SMG1: variants seen among roughly 807,000 people sequenced by gnomAD.
SMG1 encodes the protein serine/threonine-protein kinase SMG1.
In SMG1, 22 loss-of-function variants were observed where a neutral mutation model predicts 419.9. That is an observed-to-expected ratio of 0.05 (90% CI 0.04 to 0.07). SMG1 has a LOEUF of 0.07. SMG1 is among the 10% of genes least tolerant of loss of function. The pLI, the probability that SMG1 is intolerant of heterozygous loss-of-function variation, is 1.00. For missense variants in SMG1, 3,185 were observed against 4,342.0 expected (o/e 0.73, Z 7.49); for synonymous variants, 1,538 against 1,553.5 (o/e 0.99, Z 0.23).
rs150871994 is a variant in SMG1, at chr16:18,814,982, A to G, written c.10621+193T>C. Reference sequence around the variant, plus strand: ...AATCCTCCCACCTTGGCCTTCAAGTAGCTGAGATTACAGGTGTGAGCCATC... The same window carrying G: ...AATCCTCCCACCTTGGCCTTCAAGTGGCTGAGATTACAGGTGTGAGCCATC... On this transcript the variant is annotated intron_variant, in intron 60 of 62. Transcript: ENST00000446231. Among the ~76,000 whole-genome samples, 217 of 151,122 alleles carry G rather than the reference A, an allele frequency of 1.4e-3. 3 individuals carry two copies. The highest frequency in any genetic ancestry group is 0.014 in the Middle Eastern group (4 of 292).
intron 18 of SMG1, among the ~76,000 whole-genome samples, chr16:18,870,200 A>G (rs1176057339): frequency 6.6e-6 from 1 of 152,168 alleles, no homozygotes; most frequent in Admixed American, 6.5e-5. Flanking sequence ...TCATAAGAGG[A>G]TTTGAGGGAG....
Position 18,854,863 on chromosome 16 carries a change from G to A in SMG1, c.4276C>T (p.Leu1426=). The A allele has an allele frequency of 3.1e-6, 5 of 1,613,974 alleles. No homozygotes were observed. Among genetic ancestry groups the A allele is most frequent in the Non-Finnish European group, 2.5e-6 (3 of 1,179,868 alleles). Residue 1426 remains leucine (L), a synonymous_variant, in exon 30 of 63, where the codon CTA becomes TTA. Transcript: ENST00000446231. ...PIRSHLMELG[L]TAAKFARKRG... ...TTTCTAGCAAATTTTGCTGCTGTTAGACCTAATTCCATGAGATGGCTTCTA... is the reference window on the plus strand; with the variant it reads ...TTTCTAGCAAATTTTGCTGCTGTTAAACCTAATTCCATGAGATGGCTTCTA...
intron 52 of SMG1, 36 bp from the exon 53 acceptor site, chr16:18,830,151 A>G: frequency 6.2e-7 from 1 of 1,603,786 alleles, no homozygotes; most frequent in Non-Finnish European, 8.5e-7. Context: ...TCATTTCTCC[A>G]CTCTTGACAC....
At chr16:18,888,817 T>C (rs2036751930) in intron 6 of SMG1, among the ~76,000 whole-genome samples, 1 of 125,252 alleles carries the variant, frequency 8.0e-6, no homozygotes, top group Non-Finnish European at 1.6e-5. Flanking sequence ...CTTCAACATG[T>C]ATCTTTTTTT....
intron 15 of SMG1, among the ~76,000 whole-genome samples, chr16:18,871,839 T>G (rs1186237963): frequency 2.0e-5 from 3 of 151,480 alleles, no homozygotes; most frequent in African/African-American, 7.3e-5. Context: ...CTTGGGAGGC[T>G]GAGGCAGGAG....
intron 55 of SMG1, among the ~76,000 whole-genome samples, chr16:18,827,574 C>A: frequency 7.5e-6 from 1 of 133,106 alleles, no homozygotes; most frequent in African/African-American, 2.8e-5. Context: ...TATAAATATA[C>A]CAAAATATAT....
At chr16:18,905,615 A>ATTT (rs35576204) in intron 1 of SMG1, among the ~76,000 whole-genome samples, 1 of 135,246 alleles carries the variant, frequency 7.4e-6, no homozygotes, top group Non-Finnish European at 1.6e-5. Flanking sequence ...TCTTCATTTC[A>ATTT]TTTTTTTTTT....
chr16:18,917,376 C>T (rs1357707994), intron 1 of SMG1, among the ~76,000 whole-genome samples: 1 of 151,844 alleles, frequency 6.6e-6, no homozygotes, highest in Non-Finnish European at 1.5e-5. Flanking sequence ...TGGTCTCTCC[C>T]GACCTCAGAT....
chr16:18,914,851 C>A (rs1463611626), intron 1 of SMG1, among the ~76,000 whole-genome samples: 1 of 151,852 alleles, frequency 6.6e-6, no homozygotes, highest in Non-Finnish European at 1.5e-5. Flanking sequence ...ATACAATAGA[C>A]CCAAGATAAG....
chr16:18,892,912 C>T (rs976348399), intron 3 of SMG1, among the ~76,000 whole-genome samples: 1 of 152,128 alleles, frequency 6.6e-6, no homozygotes, highest in African/African-American at 2.4e-5. Flanking sequence ...CTAGGCCAAC[C>T]GAACACCTCA....
In SMG1 at chr16:18,810,297, C is replaced by CA. The variant is rs199889589; in HGVS notation, c.10909-652dup. Reference sequence around the variant, plus strand: ...AACATCACTGATGTTGCATTCCTTCCAAAAAAAATCTTGAATGAATTGAAT... The same window carrying CA: ...AACATCACTGATGTTGCATTCCTTCCAAAAAAAAATCTTGAATGAATTGAAT... On this transcript the variant is annotated intron_variant, in intron 62 of 62. Transcript: ENST00000446231. Among the ~76,000 whole-genome samples, 330 of 151,834 alleles carry CA rather than the reference C, an allele frequency of 2.2e-3. 11 individuals carry two copies. The East Asian group carries it at 0.055, about 25-fold the overall frequency.
chr16:18,812,326 A>T, intron 60 of SMG1, 199 bp from the exon 61 acceptor site: 1 of 539,090 alleles, frequency 1.9e-6, no homozygotes, highest in African/African-American at 1.9e-5. Context: ...GAATTTGTAC[A>T]ATTATGTTTA....
chr16:18,837,791 T>C (rs1299608167), intron 45 of SMG1, among the ~76,000 whole-genome samples: 2 of 152,232 alleles, frequency 1.3e-5, no homozygotes, highest in African/African-American at 4.8e-5. Flanking sequence ...TTTCAAATCA[T>C]GAACCCACCT....
chr16:18,921,755 G>C (rs529655419), intron 1 of SMG1, among the ~76,000 whole-genome samples: 1 of 152,268 alleles, frequency 6.6e-6, no homozygotes, highest in African/African-American at 2.4e-5. Context: ...CAAAAATCCA[G>C]CTTCTCACAA....
chr16:18,867,867 C>T (rs1217184046), intron 22 of SMG1, among the ~76,000 whole-genome samples: 2 of 151,748 alleles, frequency 1.3e-5, no homozygotes, highest in African/African-American at 2.4e-5. Context: ...TGCCACCACG[C>T]CCAGCTAATT....
chr16:18,834,131 C>T, intron 50 of SMG1, 73 bp downstream of exon 50: 1 of 1,136,670 alleles, frequency 8.8e-7, no homozygotes, highest in East Asian at 2.6e-5. Flanking sequence ...AAATTGCTTT[C>T]CTGGGTTAAA....
rs1396391211 is a variant in SMG1, at chr16:18,871,720, G to A, written c.2184-238C>T. Among the ~76,000 whole-genome samples the A allele has an allele frequency of 2.6e-5, 4 of 152,056 alleles. No individual in the cohort carries two copies. In the East Asian group the frequency reaches 7.7e-4, roughly 29 times the overall value. ...AGAGGCCGGGTGTGGTGGCTTACCTGAGGTCAGGAGTTCAAGACCAGCCTG... is the reference window on the plus strand; with the variant it reads ...AGAGGCCGGGTGTGGTGGCTTACCTAAGGTCAGGAGTTCAAGACCAGCCTG... On this transcript the variant is annotated intron_variant, in intron 15 of 62. Transcript: ENST00000446231.
intron 1 of SMG1, among the ~76,000 whole-genome samples, chr16:18,916,898 G>A (rs2038003948): frequency 6.6e-6 from 1 of 152,090 alleles, no homozygotes; most frequent in Non-Finnish European, 1.5e-5. Flanking sequence ...AGGAACAAGA[G>A]TCAGGTAACA....
intron 39 of SMG1, 112 bp downstream of exon 39, chr16:18,845,317 T>C (rs1177613138): frequency 7.8e-6 from 7 of 898,814 alleles, no homozygotes; most frequent in Admixed American, 2.7e-5. Context: ...CTGCCTCCTA[T>C]AGGCTTATAA....
Sources: allele counts gnomAD v4.1 joint callset (sites outside exome capture counted in the v4.1 genomes callset), GRCh38; gene constraint gnomAD v4.1.1; transcripts MANE v1.5; gene names NCBI Gene and HGNC (gene_info 2026-07-23, HGNC 2026-07-21).